PRDM16: variants seen among roughly 807,000 people sequenced by gnomAD.
PRDM16 encodes histone-lysine N-methyltransferase PRDM16.
In PRDM16, 23 loss-of-function variants were observed where a neutral mutation model predicts 110.6. The ratio of observed to expected loss-of-function variants is 0.21; its 90% confidence interval spans 0.15 to 0.29. The LOEUF (loss-of-function observed/expected upper bound fraction) is 0.29, where lower values mean the gene tolerates loss of function less well. Among genes scored for constraint, PRDM16 ranks in the 10% least tolerant of loss-of-function variants. The pLI, the probability that PRDM16 is intolerant of heterozygous loss-of-function variation, is 1.00. For synonymous variants in PRDM16, 799 were observed against 781.8 expected, an observed-to-expected ratio of 1.02 and a Z score of -0.37; for missense variants, 1,615 against 1,794.3, an observed-to-expected ratio of 0.90 and a Z score of 1.81.
rs1217352773 is a variant in PRDM16 at position 3,081,791 on chromosome 1, T to C, written c.37+12495T>C. On this transcript the variant is annotated intron_variant, in intron 1 of 16. Coordinates refer to ENST00000270722, the MANE Select transcript of PRDM16 (RefSeq NM_022114.4). This position sits in a 1 kb window ranked among gnomAD's most constrained non-coding sequence, Gnocchi z 4.6. ...AAGGCCCGTGTTGGGGGACCTTCCA[T>C]GGGCAGCAGGGCAGCAAGGGAGACC... Among the ~76,000 whole-genome samples the C allele has an allele frequency of 3.9e-5, 6 of 151,912 alleles. No homozygotes were observed. Among genetic ancestry groups the C allele is most frequent in the Non-Finnish European group, 8.8e-5 (6 of 67,974 alleles).
At position 3,436,354 on chromosome 1, in the gene PRDM16, G is replaced by A. The variant is rs1173031824; in HGVS notation, c.*2543G>A. 12 of 230,782 alleles carry A rather than the reference G, an allele frequency of 5.2e-5. No homozygotes were observed. In the East Asian group the frequency reaches 7.3e-4, roughly 14 times the overall value. The allele number at this position is 230,782 out of a possible 1,614,324, so 14.3% of individuals were successfully genotyped here. A position where few individuals can be genotyped will look rare whatever the true frequency, so the allele number is the denominator to read the frequency against. On this transcript the variant is annotated 3_prime_UTR_variant, in exon 17 of 17. Coordinates refer to ENST00000270722, the MANE Select transcript of PRDM16 (RefSeq NM_022114.4). ...CAGTCCCATCCCGCCGTTTTCGGCT[G>A]TCTTCCTAACCGTCCTGTCTTCTCT...
At chr1:3,183,055 T>C (rs1334106326) in intron 1 of PRDM16, among the ~76,000 whole-genome samples, 1 of 152,224 alleles carries the variant, frequency 6.6e-6, no homozygotes, top group Non-Finnish European at 1.5e-5. Context: ...TCAGGTCTCC[T>C]GACAAGTCAA....
chr1:3,080,364 C>T lies in PRDM16; in HGVS notation c.37+11068C>T, dbSNP rs561319629. Reference sequence around the variant, plus strand: ...GAATACAAATGGTGCCACGAAGCACCGGGGATTTACGGCCGACCCGCGCTT... The same window carrying T: ...GAATACAAATGGTGCCACGAAGCACTGGGGATTTACGGCCGACCCGCGCTT... On this transcript the variant is annotated intron_variant, in intron 1 of 16. Transcript: ENST00000270722. This position sits in a 1 kb window ranked among gnomAD's most constrained non-coding sequence, Gnocchi z 5.2. Among the ~76,000 whole-genome samples the T allele has an allele frequency of 1.3e-4, 20 of 152,278 alleles. No individual in the cohort carries two copies. The South Asian group carries it at 3.7e-3, about 28-fold the overall frequency.
chr1:3,123,855 C>T (rs1261619961), intron 1 of PRDM16, among the ~76,000 whole-genome samples: 4 of 152,264 alleles, frequency 2.6e-5, no homozygotes. Context: ...TTGGCCTCTC[C>T]TCAACTGGGG....
chr1:3,128,087 C>T (rs932122732), intron 1 of PRDM16: 2 of 154,808 alleles, frequency 1.3e-5, no homozygotes, highest in African/African-American at 4.8e-5. Flanking sequence ...CCCGTCAGCC[C>T]CGCTGTGGAG....
chr1:3,408,483 AGAGT>A (rs1476687684), intron 8 of PRDM16, among the ~76,000 whole-genome samples: 4 of 151,994 alleles, frequency 2.6e-5, no homozygotes, highest in Admixed American at 6.5e-5. Flanking sequence ...TGCACGTGTG[AGAGT>A]GTGTGAGTGT....
chr1:3,271,582 G>A (rs1163733204), intron 3 of PRDM16, among the ~76,000 whole-genome samples: 1 of 152,234 alleles, frequency 6.6e-6, no homozygotes. Context: ...TCCATGACCT[G>A]GAGCGTGAGG....
chr1:3,293,496 C>T lies in PRDM16; in HGVS notation c.438+49359C>T, dbSNP rs536319336. On this transcript the variant is annotated intron_variant, in intron 3 of 16. Transcript: ENST00000270722. ...AGGAAGGCGCGATGGCCAGGGGCAA[C>T]GTTGGAACGCAAACTTATCAGAGGC... 1.6e-3 allele frequency among the ~76,000 whole-genome samples: 250 copies of T among 152,298 alleles called. 1 individual carries two copies. Among genetic ancestry groups the T allele is most frequent in the African/African-American group, 5.5e-3 (228 of 41,562 alleles).
chr1:3,341,756 T>C (rs2483282), intron 3 of PRDM16, among the ~76,000 whole-genome samples: 72,385 of 152,150 alleles, frequency 0.48, 18,467 homozygotes, highest in African/African-American at 0.67. Flanking sequence ...CAGCAGCAGC[T>C]GCCGCTCCCA....
At position 3,069,235 on chromosome 1, in the gene PRDM16, G is replaced by A. The variant is rs772130464; in HGVS notation, c.-25G>A. 1.0e-5 allele frequency: 16 copies of A among 1,578,768 alleles called. No individual in the cohort carries two copies. Among genetic ancestry groups the A allele is most frequent in the African/African-American group, 1.4e-5 (1 of 72,584 alleles). On this transcript the variant is annotated 5_prime_UTR_variant, in exon 1 of 17. Coordinates refer to ENST00000270722, the MANE Select transcript of PRDM16 (RefSeq NM_022114.4). The surrounding 1 kb of genome is among the most constrained non-coding windows in gnomAD (Gnocchi z 6.1). ...GGCTGCTTCTGGACTCAAGGAGGAG[G>A]AGAGAGATTCCGCGAGCCGACACCA...
chr1:3,174,672 A>T (rs1003509608), intron 1 of PRDM16, among the ~76,000 whole-genome samples: 2 of 152,140 alleles, frequency 1.3e-5, no homozygotes, highest in Non-Finnish European at 2.9e-5. Context: ...GAGATAAGGC[A>T]GGAAGCCCCA....
At position 3,255,416 on chromosome 1, in the gene PRDM16, C is replaced by A. The variant is rs1640020433; in HGVS notation, c.438+11279C>A. Reference sequence around the variant, plus strand: ...GCTCTCACCACAAAGCCAGGGCTGCCCCCGACACTTCAGGAGCCCAGCCCA... The same window carrying A: ...GCTCTCACCACAAAGCCAGGGCTGCACCCGACACTTCAGGAGCCCAGCCCA... On this transcript the variant is annotated intron_variant, in intron 3 of 16. Coordinates refer to ENST00000270722, the MANE Select transcript of PRDM16 (RefSeq NM_022114.4). This position sits in a 1 kb window ranked among gnomAD's most constrained non-coding sequence, Gnocchi z 4.7. Among the ~76,000 whole-genome samples the A allele has an allele frequency of 6.6e-6, 1 of 152,168 alleles. No individual in the cohort carries two copies. The highest frequency in any genetic ancestry group is 2.4e-5 in the African/African-American group (1 of 41,432).
intron 1 of PRDM16, among the ~76,000 whole-genome samples, chr1:3,185,564 C>T (rs1644257810): frequency 6.6e-6 from 1 of 152,210 alleles, no homozygotes; most frequent in Admixed American, 6.5e-5. Context: ...AGGCTGCAGC[C>T]CAAGTGCAGG....
At chr1:3,116,391 G>A (rs1306269079) in intron 1 of PRDM16, among the ~76,000 whole-genome samples, 1 of 152,154 alleles carries the variant, frequency 6.6e-6, no homozygotes, top group Non-Finnish European at 1.5e-5. Flanking sequence ...GTTCACGGGT[G>A]GCCTGGAGAC....
At chr1:3,387,910 T>A (rs972691741) in intron 4 of PRDM16, among the ~76,000 whole-genome samples, 2 of 152,274 alleles carry the variant, frequency 1.3e-5, no homozygotes, top group Non-Finnish European at 2.9e-5. Flanking sequence ...GAAAGGGATA[T>A]AATAGATTTC....
intron 1 of PRDM16, among the ~76,000 whole-genome samples, chr1:3,100,211 C>G (rs553445185): frequency 2.0e-5 from 3 of 152,166 alleles, no homozygotes; most frequent in African/African-American, 7.2e-5. Flanking sequence ...GCCCCCTGCC[C>G]GCTCTGTGAC....
intron 1 of PRDM16, among the ~76,000 whole-genome samples, chr1:3,086,496 GCCT>G (rs1642155498): frequency 6.6e-6 from 1 of 152,012 alleles, no homozygotes; most frequent in Non-Finnish European, 1.5e-5. Flanking sequence ...TTTGCTTCTG[GCCT>G]CCTCCCTCCG....
chr1:3,345,603 GC>G (rs1642344293), intron 3 of PRDM16, among the ~76,000 whole-genome samples: 1 of 152,260 alleles, frequency 6.6e-6, no homozygotes, highest in Non-Finnish European at 1.5e-5. Flanking sequence ...ATCCTGAGGT[GC>G]TGATGGCAAA....
intron 3 of PRDM16, among the ~76,000 whole-genome samples, chr1:3,287,070 T>C (rs1640861027): frequency 6.6e-6 from 1 of 151,978 alleles, no homozygotes; most frequent in African/African-American, 2.4e-5. Flanking sequence ...ATCTGGCCCA[T>C]GAGGTCCTGG....
Sources: allele counts gnomAD v4.1 joint callset (sites outside exome capture counted in the v4.1 genomes callset), GRCh38; gene constraint gnomAD v4.1.1; non-coding constraint Gnocchi (gnomAD v3.1); transcripts MANE v1.5; gene names NCBI Gene and HGNC (gene_info 2026-07-23, HGNC 2026-07-21).